Variants in TAX1BP1 observed in about 807,000 individuals in gnomAD.
TAX1BP1 encodes the protein tax1-binding protein 1.
A neutral mutation model predicts 97.7 loss-of-function variants in TAX1BP1; 62 were observed. The observed-to-expected ratio is 0.63, with a 90% CI of 0.52 to 0.78. TAX1BP1 has a LOEUF of 0.78. Among genes scored for constraint, TAX1BP1 ranks in the 30% least tolerant of loss-of-function variants. TAX1BP1 has a pLI of 0.00. For missense variants in TAX1BP1, 867 were observed against 916.1 expected, an observed-to-expected ratio of 0.95 and a Z score of 0.69; for synonymous variants, 340 against 304.2, an observed-to-expected ratio of 1.12 and a Z score of -1.23.
At chr7:27,758,769 G>C (rs1449351122) in intron 3 of TAX1BP1, among the ~76,000 whole-genome samples, 2 of 152,146 alleles carry the variant, frequency 1.3e-5, no homozygotes. Flanking sequence ...GACACAGAAA[G>C]TAGAATGGTG....
intron 10 of TAX1BP1, among the ~76,000 whole-genome samples, chr7:27,793,533 A>G (rs1045897691): frequency 3.9e-5 from 6 of 152,174 alleles, no homozygotes; most frequent in Non-Finnish European, 7.4e-5. Flanking sequence ...TGTGACCATG[A>G]CATCTATCCT....
At chr7:27,807,301 A>G (rs895163945) in intron 13 of TAX1BP1, among the ~76,000 whole-genome samples, 3 of 152,114 alleles carry the variant, frequency 2.0e-5, no homozygotes, top group Non-Finnish European at 4.4e-5. Flanking sequence ...CATCTAACCT[A>G]CAATACATAT....
In TAX1BP1 at chr7:27,741,450, T is replaced by G. The variant is rs1184370234; in HGVS notation, c.-8+1181T>G. The stretch of plus-strand genomic sequence containing the variant: ...GGTTTTATTTATTTTTCAAACTGAT[T>G]GTTCAACTTCAAAGAACATTGTAGT... On this transcript the variant is annotated intron_variant, in intron 1 of 16. Coordinates refer to ENST00000396319, the MANE Select transcript of TAX1BP1 (RefSeq NM_006024.7). Among the ~76,000 whole-genome samples the G allele has an allele frequency of 2.0e-5, 3 of 152,198 alleles. No homozygotes were observed. In the East Asian group the frequency reaches 5.8e-4, roughly 29 times the overall value.
intron 12 of TAX1BP1, 49 bp downstream of exon 12, chr7:27,796,268 C>A: frequency 7.4e-7 from 1 of 1,346,214 alleles, no homozygotes; most frequent in Non-Finnish European, 1.0e-6. Context: ...ATGTTAATGA[C>A]TTAGCTTACC....
intron 12 of TAX1BP1, among the ~76,000 whole-genome samples, chr7:27,799,727 T>C (rs1464224616): frequency 1.3e-5 from 2 of 152,198 alleles, no homozygotes; most frequent in East Asian, 3.8e-4. Flanking sequence ...TAATGTATCT[T>C]AACATTTTTT....
chr7:27,787,381 G>A, intron 7 of TAX1BP1, 37 bp from the exon 8 acceptor site: 1 of 1,535,278 alleles, frequency 6.5e-7, no homozygotes, highest in Non-Finnish European at 8.8e-7. Context: ...AGGTCATGGA[G>A]TTAGAATATT....
At chr7:27,813,462 C>T (rs895203044) in intron 13 of TAX1BP1, among the ~76,000 whole-genome samples, 2 of 151,808 alleles carry the variant, frequency 1.3e-5, no homozygotes, top group South Asian at 4.2e-4. Flanking sequence ...TCAGGTGATC[C>T]TCCCACCTCA....
chr7:27,795,486 A>G (rs939399790), intron 11 of TAX1BP1, among the ~76,000 whole-genome samples: 1 of 151,954 alleles, frequency 6.6e-6, no homozygotes, highest in African/African-American at 2.4e-5. Context: ...TTTCCTACTT[A>G]CCCTGTCTAT....
rs895625003 is a variant in TAX1BP1, at chr7:27,792,953, C to T, written c.1264-113C>T. On this transcript the variant is annotated intron_variant, in intron 9 of 16. Transcript: ENST00000396319. ...TTTCAGCCTGGGTGACAGAGCAAGA[C>T]TCTGTCTCAAAAACAAAAAAAAGAA... is the stretch of plus-strand genomic sequence containing the variant. The T allele has an allele frequency of 3.1e-6, 3 of 957,096 alleles. No homozygotes were observed. The Admixed American group carries it at 1.0e-4, about 32-fold the overall frequency. The allele number at this position is 957,096 out of a possible 1,614,324, so 59.3% of individuals were successfully genotyped here.
At chr7:27,749,342 A>C (rs1233291843) in intron 2 of TAX1BP1, among the ~76,000 whole-genome samples, 1 of 152,220 alleles carries the variant, frequency 6.6e-6, no homozygotes, top group Non-Finnish European at 1.5e-5. Flanking sequence ...AAACATAAGA[A>C]TGTCCTCTGA....
intron 13 of TAX1BP1, among the ~76,000 whole-genome samples, chr7:27,811,933 T>C (rs974086505): frequency 2.6e-5 from 4 of 152,250 alleles, no homozygotes; most frequent in Non-Finnish European, 5.9e-5. Flanking sequence ...GATATTTTGC[T>C]ATTACAAATA....
chr7:27,793,933 C>A (rs567474710), intron 10 of TAX1BP1, among the ~76,000 whole-genome samples: 14 of 152,142 alleles, frequency 9.2e-5, no homozygotes, highest in Admixed American at 2.6e-4. Flanking sequence ...AGGAGACAAG[C>A]AAGGAATGCA....
At position 27,816,957 on chromosome 7, in the gene TAX1BP1, A is replaced by T; in HGVS notation, c.2004A>T (p.Gly668=). The change falls in exon 15 of 17, where the codon GGA becomes GGT. Residue 668 remains glycine, a synonymous_variant. Coordinates refer to ENST00000396319, the MANE Select transcript of TAX1BP1 (RefSeq NM_006024.7). ...CACCTGTCAGAGTCCCCTCTTGGGG[A>T]CTGGAAGACAATGTTGTCTGCAGCC... ...QRPPVRVPSW[G]LEDNVVCSQP... 1 of 1,614,068 alleles carries T rather than the reference A, an allele frequency of 6.2e-7. No individual in the cohort carries two copies. The highest frequency in any genetic ancestry group is 8.5e-7 in the Non-Finnish European group (1 of 1,179,996).
chr7:27,742,911 T>A (rs963738630), intron 1 of TAX1BP1, among the ~76,000 whole-genome samples: 1 of 152,232 alleles, frequency 6.6e-6, no homozygotes, highest in African/African-American at 2.4e-5. Context: ...AAAATAATCA[T>A]GAAAGATCCT....
In TAX1BP1 at chr7:27,771,502, G is replaced by A. The variant is rs13240965; in HGVS notation, c.612+1668G>A. ...ATATATATATACACACACACACATC[G>A]GGCCATTTCTCTGGTCCATTTGAGT... On this transcript the variant is annotated intron_variant, in intron 5 of 16. Transcript: ENST00000396319. 7.5e-3 allele frequency among the ~76,000 whole-genome samples: 1,134 copies of A among 151,768 alleles called. 6 individuals are homozygous for A. Among genetic ancestry groups the A allele is most frequent in the Middle Eastern group, 0.014 (4 of 294 alleles).
chr7:27,777,962 G>T (rs1042846059), intron 5 of TAX1BP1, among the ~76,000 whole-genome samples: 1 of 152,174 alleles, frequency 6.6e-6, no homozygotes, highest in Non-Finnish European at 1.5e-5. Flanking sequence ...CACGATTTTA[G>T]TTGCATCTAA....
chr7:27,781,682 T>C (rs971467679), intron 5 of TAX1BP1, among the ~76,000 whole-genome samples: 6 of 152,092 alleles, frequency 3.9e-5, no homozygotes, highest in African/African-American at 1.4e-4. Flanking sequence ...TTTATAAATA[T>C]TGTATACTTA....
At chr7:27,826,433 T>C (rs1243485924) in intron 15 of TAX1BP1, among the ~76,000 whole-genome samples, 1 of 152,182 alleles carries the variant, frequency 6.6e-6, no homozygotes, top group African/African-American at 2.4e-5. Flanking sequence ...ACACCATATA[T>C]ACTTTTTTTG....
intron 13 of TAX1BP1, among the ~76,000 whole-genome samples, chr7:27,807,674 A>G (rs1337607831): frequency 2.0e-5 from 3 of 152,092 alleles, no homozygotes; most frequent in African/African-American, 4.8e-5. Flanking sequence ...TTAATAAGTA[A>G]TTTGTAGGGA....
Sources: gnomAD v4.1 joint callset for allele counts (sites outside exome capture counted in the v4.1 genomes callset) on GRCh38, gnomAD v4.1.1 for gene constraint, MANE v1.5 for transcripts, NCBI Gene and HGNC (gene_info 2026-07-23, HGNC 2026-07-21) for gene names.